TP73: variants seen among roughly 807,000 people sequenced by gnomAD.
TP73 encodes tumor protein p73.
TP73 carries 25 observed loss-of-function variants against 62.5 expected under a neutral mutation model. The observed-to-expected ratio is 0.40, with a 90% CI of 0.29 to 0.56. The LOEUF (loss-of-function observed/expected upper bound fraction) is 0.56. Ranked by LOEUF, TP73 falls within the 20% of genes least tolerant of loss-of-function variation. The pLI is 0.46. For synonymous variants in TP73, 423 were observed against 377.5 expected, an observed-to-expected ratio of 1.12 and a Z score of -1.40; for missense variants, 754 against 913.3, an observed-to-expected ratio of 0.83 and a Z score of 2.25.
At chr1:3,676,210 G>A (rs1412988080) in intron 1 of TP73, among the ~76,000 whole-genome samples, 1 of 150,974 alleles carries the variant, frequency 6.6e-6, no homozygotes, top group Non-Finnish European at 1.5e-5. Flanking sequence ...GACAGAGGAT[G>A]GGAGAAGGAG....
chr1:3,709,186 C>T (rs1249354998), intron 4 of TP73, among the ~76,000 whole-genome samples: 5 of 152,160 alleles, frequency 3.3e-5, no homozygotes, highest in African/African-American at 9.7e-5. Context: ...ATTCTCACTC[C>T]AGCCACGGGC....
At chr1:3,704,614 C>T (rs893803882) in intron 3 of TP73, among the ~76,000 whole-genome samples, 2 of 152,352 alleles carry the variant, frequency 1.3e-5, no homozygotes, top group African/African-American at 2.4e-5. Flanking sequence ...CCTCTGAGCC[C>T]GGACAGGGCT....
chr1:3,679,515 C>A (rs1645459813), intron 1 of TP73, among the ~76,000 whole-genome samples: 3 of 151,320 alleles, frequency 2.0e-5, no homozygotes, highest in African/African-American at 7.3e-5. Context: ...GTCTCTCTGT[C>A]TCTGTCTCTC....
At chr1:3,682,972 A>G in intron 2 of TP73, 88 bp from the exon 3 acceptor site, 1 of 1,502,454 alleles carries the variant, frequency 6.7e-7, no homozygotes. Context: ...CAGGAGTCTC[A>G]GGCTAGCCTT....
In TP73 at chr1:3,727,129, C is replaced by A. The variant is rs567288084; in HGVS notation, c.747C>A (p.Phe249Leu). ...CCCATGTGCAGGTGGGGACGGAATT[C>A]ACCACCATCCTGTACAACTTCATGT... ...PYEPPQVGTE[F>L]TTILYNFMCN... Residue 249 changes from phenylalanine to leucine, a missense_variant, in exon 7 of 14, where the codon TTC becomes TTA. Around this residue, in one of 3 missense-constraint regions of TP73, gnomAD observed 61 missense variants for 133.2 expected, o/e 0.46. Coordinates refer to ENST00000378295, the MANE Select transcript of TP73 (RefSeq NM_005427.4). 2 of 1,611,738 alleles carry A rather than the reference C, an allele frequency of 1.2e-6. No individual in the cohort carries two copies. Among genetic ancestry groups the A allele is most frequent in the South Asian group, 1.1e-5 (1 of 91,030 alleles).
rs12753742 is a variant in TP73 at position 3,694,867 on chromosome 1, C to T, written c.186+11687C>T. Reference sequence around the variant, plus strand: ...CCTCCTGCAATCCCAGCCATGCAGCCTCAGCCCCTCCTCCTGCAATCCCAC... The same window carrying T: ...CCTCCTGCAATCCCAGCCATGCAGCTTCAGCCCCTCCTCCTGCAATCCCAC... On this transcript the variant is annotated intron_variant, in intron 3 of 13. Coordinates refer to ENST00000378295, the MANE Select transcript of TP73 (RefSeq NM_005427.4). Among the ~76,000 whole-genome samples, 69 of 115,370 alleles carry T rather than the reference C, an allele frequency of 6.0e-4. 1 individual carries two copies. Among genetic ancestry groups the T allele is most frequent in the Non-Finnish European group, 7.4e-4 (39 of 52,520 alleles). The allele number at this position is 115,370 out of a possible 152,430, so 75.7% of individuals were successfully genotyped here.
chr1:3,729,495 C>T (rs1212539272), intron 10 of TP73, 47 bp downstream of exon 10: 1 of 1,610,336 alleles, frequency 6.2e-7, no homozygotes, highest in Non-Finnish European at 8.5e-7. Context: ...GAGGACATGG[C>T]TTAACCCCCC....
At chr1:3,661,781 T>TTA (rs1181188522) in intron 1 of TP73, among the ~76,000 whole-genome samples, 3 of 147,894 alleles carry the variant, frequency 2.0e-5, no homozygotes, top group Non-Finnish European at 3.0e-5. Flanking sequence ...ATAATATGTA[T>TTA]TATATATATA....
intron 9 of TP73, among the ~76,000 whole-genome samples, chr1:3,729,024 G>C (rs1486054063): frequency 6.8e-6 from 1 of 146,544 alleles, no homozygotes. Context: ...GACAGAGAGA[G>C]ACAGACTTGG....
At position 3,727,065 on chromosome 1, in the gene TP73, T is replaced by C. The variant is rs375815979; in HGVS notation, c.733-50T>C. 12 of 1,527,376 alleles carry C rather than the reference T, an allele frequency of 7.9e-6. No homozygotes were observed. In the South Asian group the frequency reaches 1.2e-4, roughly 15 times the overall value. 94.6% of individuals were successfully genotyped at this position (1,527,376 alleles called of 1,614,324 possible). On this transcript the variant is annotated intron_variant, in intron 6 of 13. Transcript: ENST00000378295. ...AGCTGGGGGCTGCCACCTTAGTGGA[T>C]TGGGGCTGCGTGCTGATGCTAGCCC...
chr1:3,719,935 T>TGA (rs1553144538), intron 4 of TP73, among the ~76,000 whole-genome samples: 3 of 146,278 alleles, frequency 2.1e-5, no homozygotes, highest in South Asian at 4.4e-4. Context: ...TGTGTGTGTG[T>TGA]GACGGATTCT....
intron 3 of TP73, among the ~76,000 whole-genome samples, chr1:3,683,680 C>T (rs115159303): frequency 1.3e-5 from 2 of 152,358 alleles, no homozygotes; most frequent in Middle Eastern, 3.4e-3. Flanking sequence ...CCAGCATGCC[C>T]TATCCCTGTG....
rs112893522 is a variant in TP73, at chr1:3,715,111, A to C, written c.430-6910A>C. 4.3e-3 allele frequency among the ~76,000 whole-genome samples: 662 copies of C among 152,300 alleles called. 3 individuals are homozygous for C. The highest frequency in any genetic ancestry group is 0.015 in the African/African-American group (621 of 41,572). On this transcript the variant is annotated intron_variant, in intron 4 of 13. Transcript: ENST00000378295. ...GGCCACCCAATCCCAGCCAGACACAAGGCAGTCTGTGTGAGTCTCAGTCTC... is the reference window on the plus strand; with the variant it reads ...GGCCACCCAATCCCAGCCAGACACACGGCAGTCTGTGTGAGTCTCAGTCTC...
chr1:3,698,133 A>T, intron 3 of TP73: 1 of 985,536 alleles, frequency 1.0e-6, no homozygotes, highest in Non-Finnish European at 1.2e-6. Context: ...GTGGCGCCTG[A>T]TTCACATCTG....
intron 3 of TP73, among the ~76,000 whole-genome samples, chr1:3,697,318 C>T (rs1325507707): frequency 6.6e-6 from 1 of 152,258 alleles, no homozygotes; most frequent in Non-Finnish European, 1.5e-5. Context: ...CTCCGACCAC[C>T]TCTCCCGCTA....
At chr1:3,725,740 T>TG (rs1641471821) in intron 6 of TP73, among the ~76,000 whole-genome samples, 1 of 47,038 alleles carries the variant, frequency 2.1e-5, no homozygotes, top group Non-Finnish European at 4.1e-5. Flanking sequence ...AGATAATAAA[T>TG]GGGGGAGTGG....
rs1642429966 is a variant in TP73 at position 3,735,845 on chromosome 1, T to G, written c.*2766T>G. 6.6e-6 allele frequency: 1 copy of G among 152,136 alleles called. No individual in the cohort carries two copies. The highest frequency in any genetic ancestry group is 1.5e-5 in the Non-Finnish European group (1 of 68,032). 9.4% of individuals were successfully genotyped at this position (152,136 alleles called of 1,614,324 possible). On this transcript the variant is annotated 3_prime_UTR_variant, in exon 14 of 14. Transcript: ENST00000378295. ...GTCAGAAACAGCGACTCTCCCCCAT[T>G]CCCCCAGCGTTCCCACCAGGCCTGG...
chr1:3,653,101 CT>C (rs1221808312), intron 1 of TP73, among the ~76,000 whole-genome samples: 1 of 152,244 alleles, frequency 6.6e-6, no homozygotes, highest in Non-Finnish European at 1.5e-5. Context: ...ATCCCGAGGC[CT>C]CAGCTTCCCT....
At chr1:3,705,971 C>T (rs960688663) in intron 3 of TP73, among the ~76,000 whole-genome samples, 1 of 152,222 alleles carries the variant, frequency 6.6e-6, no homozygotes, top group Non-Finnish European at 1.5e-5. Context: ...CTGGGAGTCC[C>T]GGCGAGGCCC....
Sources: allele counts gnomAD v4.1 joint callset (sites outside exome capture counted in the v4.1 genomes callset), GRCh38; gene constraint gnomAD v4.1.1; regional missense constraint gnomAD v4.1.1; transcripts MANE v1.5; gene names NCBI Gene and HGNC (gene_info 2026-07-23, HGNC 2026-07-21).